Variants in IARS1 observed in about 807,000 individuals in gnomAD.
IARS1 encodes the protein isoleucine--tRNA ligase, cytoplasmic.
IARS1 carries 124 observed loss-of-function variants against 168.2 expected under a neutral mutation model. That is an observed-to-expected ratio of 0.74 (90% CI 0.64 to 0.86). The LOEUF (loss-of-function observed/expected upper bound fraction) is 0.86, where lower values mean the gene tolerates loss of function less well. Ranked by LOEUF, IARS1 falls within the 40% of genes least tolerant of loss-of-function variation. The pLI, the probability that IARS1 is intolerant of heterozygous loss-of-function variation, is 0.00. For synonymous variants in IARS1, 532 were observed against 529.4 expected (o/e 1.00, Z -0.07); for missense variants, 1,452 against 1,515.8 (o/e 0.96, Z 0.70).
At chr9:92,246,289 A>C (rs1289490402) in intron 26 of IARS1, among the ~76,000 whole-genome samples, 1 of 152,100 alleles carries the variant, frequency 6.6e-6, no homozygotes, top group Non-Finnish European at 1.5e-5. Flanking sequence ...GAATCCTCAA[A>C]TCTCTCTTCT....
intron 31 of IARS1, among the ~76,000 whole-genome samples, chr9:92,224,452 A>G (rs2133420458): frequency 6.6e-6 from 1 of 152,342 alleles, no homozygotes; most frequent in South Asian, 2.1e-4. Flanking sequence ...CAGGGACTCA[A>G]AGAACAGAAT....
At chr9:92,255,910 A>C (rs1830650164) in intron 20 of IARS1, among the ~76,000 whole-genome samples, 1 of 152,204 alleles carries the variant, frequency 6.6e-6, no homozygotes, top group Non-Finnish European at 1.5e-5. Context: ...AGATATGATA[A>C]ATGCTTGAGG....
intron 25 of IARS1, 104 bp downstream of exon 25, chr9:92,249,754 C>A (rs1283278996): frequency 5.1e-6 from 3 of 591,332 alleles, no homozygotes; most frequent in African/African-American, 3.8e-5. Flanking sequence ...TATGACTATA[C>A]TAATAAAAAT....
chr9:92,257,649 T>C (rs1377488771), intron 19 of IARS1, among the ~76,000 whole-genome samples: 6 of 152,188 alleles, frequency 3.9e-5, no homozygotes, highest in African/African-American at 1.4e-4. Context: ...GAACATGATG[T>C]GTCCTCATTA....
At position 92,219,065 on chromosome 9, in the gene IARS1, A is replaced by C. The variant is rs983931800; in HGVS notation, c.3706+3455T>G. On this transcript the variant is annotated intron_variant, in intron 33 of 33. Transcript: ENST00000443024. ...ACCAAAACAGCATGGTACTGGTACC[A>C]AAATAGAGATATAGATCAATGGAAC... 1.8e-4 allele frequency among the ~76,000 whole-genome samples: 28 copies of C among 152,222 alleles called. 1 individual carries two copies. The highest frequency in any genetic ancestry group is 5.9e-5 in the Non-Finnish European group (4 of 68,044).
intron 10 of IARS1, among the ~76,000 whole-genome samples, chr9:92,272,539 C>T (rs146182338): frequency 2.0e-5 from 3 of 152,296 alleles, no homozygotes; most frequent in East Asian, 1.9e-4. Context: ...ACAAGTGCAA[C>T]GGAAGGCCTC....
chr9:92,210,947 A>C lies in IARS1; in HGVS notation c.3707-58T>G, dbSNP rs141398935. ...AGTATTTTACCTATTGGGGGTGAAT[A>C]TTTAAAAAAATGTTAACTGCTTGTG... is the stretch of plus-strand genomic sequence containing the variant. On this transcript the variant is annotated intron_variant, in intron 33 of 33. Transcript: ENST00000443024. 347 of 1,109,496 alleles carry C rather than the reference A, an allele frequency of 3.1e-4. No homozygotes were observed. In the African/African-American group the frequency reaches 4.5e-3, roughly 14 times the overall value. 68.7% of individuals were successfully genotyped at this position (1,109,496 alleles called of 1,614,324 possible).
At chr9:92,223,897 A>G (rs1254877918) in intron 31 of IARS1, among the ~76,000 whole-genome samples, 1 of 152,266 alleles carries the variant, frequency 6.6e-6, no homozygotes, top group Non-Finnish European at 1.5e-5. Flanking sequence ...CATGATACAC[A>G]GAACATATGC....
intron 10 of IARS1, among the ~76,000 whole-genome samples, chr9:92,274,196 C>T (rs942303359): frequency 1.3e-5 from 2 of 152,036 alleles, no homozygotes; most frequent in African/African-American, 4.8e-5. Flanking sequence ...CCTGTCAAAA[C>T]TCACGGAACT....
intron 17 of IARS1, among the ~76,000 whole-genome samples, chr9:92,261,042 C>T (rs1286823266): frequency 6.6e-6 from 1 of 152,120 alleles, no homozygotes; most frequent in Non-Finnish European, 1.5e-5. Context: ...GGTGCGGTGG[C>T]TCATGCCTGT....
At chr9:92,270,486 T>C (rs1832862762) in intron 12 of IARS1, among the ~76,000 whole-genome samples, 1 of 152,194 alleles carries the variant, frequency 6.6e-6, no homozygotes, top group South Asian at 2.1e-4. Flanking sequence ...GAAAGCAACA[T>C]TTTTAGCCAT....
Position 92,260,244 on chromosome 9 carries a change from C to T in IARS1, c.1788-10G>A, listed in dbSNP as rs1487737522. 2 of 1,572,562 alleles carry T rather than the reference C, an allele frequency of 1.3e-6. No homozygotes were observed. The highest frequency in any genetic ancestry group is 1.4e-5 in the African/African-American group (1 of 74,046). Reference sequence around the variant, plus strand: ...CATTTTTTGGCCATCACTTGTAAAACAAAAGGGAGATGCCAATTAAGTAAG... The same window carrying T: ...CATTTTTTGGCCATCACTTGTAAAATAAAAGGGAGATGCCAATTAAGTAAG... On this transcript the variant is annotated splice_polypyrimidine_tract_variant and intron_variant, in intron 17 of 33. Transcript: ENST00000443024.
chr9:92,220,620 A>AAAACAAACAAAC lies in IARS1; in HGVS notation c.3706+1888_3706+1899dup, dbSNP rs111465873. On this transcript the variant is annotated intron_variant, in intron 33 of 33. Transcript: ENST00000443024. Reference sequence around the variant, plus strand: ...GGCAACAAGAGTGAAACTCTGTCTCAAAACAAACAAACAAACAAACAAACA... The same window carrying AAAACAAACAAAC: ...GGCAACAAGAGTGAAACTCTGTCTCAAAACAAACAAACAAACAAACAAACAAACAAACAAACA... Among the ~76,000 whole-genome samples, 7 of 150,970 alleles carry AAAACAAACAAAC rather than the reference A, an allele frequency of 4.6e-5. No homozygotes were observed. In the South Asian group the frequency reaches 1.3e-3, roughly 27 times the overall value.
intron 30 of IARS1, among the ~76,000 whole-genome samples, chr9:92,238,859 T>C (rs1050561116): frequency 4.6e-5 from 7 of 152,230 alleles, no homozygotes; most frequent in Admixed American, 2.0e-4. Flanking sequence ...CTATTATTTC[T>C]TGTTCAGTAA....
Position 92,271,522 on chromosome 9 carries a change from G to A in IARS1, c.1113+11C>T. ...TAACAGTCACCCTTCTATGCTATAT[G>A]GATTACAGACCTTCACATACTGTCC... On this transcript the variant is annotated intron_variant, in intron 11 of 33. Transcript: ENST00000443024. 6.2e-7 allele frequency: 1 copy of A among 1,613,918 alleles called. No homozygotes were observed. The highest frequency in any genetic ancestry group is 1.3e-5 in the African/African-American group (1 of 75,018).
chr9:92,286,353 C>T lies in IARS1; in HGVS notation c.479+183G>A, dbSNP rs566130774. On this transcript the variant is annotated intron_variant, in intron 5 of 33. Transcript: ENST00000443024. ...CTGCCCTCCAGCCTGGGCAACTGAG[C>T]GAGACTCAGTCTCAAAAAAATAAAA... 4.6e-4 allele frequency among the ~76,000 whole-genome samples: 70 copies of T among 152,160 alleles called. 1 individual carries two copies. Among genetic ancestry groups the T allele is most frequent in the African/African-American group, 1.6e-3 (66 of 41,498 alleles).
At chr9:92,287,702 TAAAAA>T (rs780741019) in intron 4 of IARS1, 84 bp downstream of exon 4, 12 of 1,378,388 alleles carry the variant, frequency 8.7e-6, no homozygotes, top group Non-Finnish European at 1.2e-5. Flanking sequence ...AATAAATTAA[TAAAAA>T]AAGCACAAGG....
intron 33 of IARS1, among the ~76,000 whole-genome samples, chr9:92,212,968 TTAGA>T (rs1419616186): frequency 3.3e-5 from 5 of 151,978 alleles, no homozygotes; most frequent in Non-Finnish European, 5.9e-5. Flanking sequence ...GACTGGTGAC[TTAGA>T]TGGATGATGA....
intron 3 of IARS1, 47 bp downstream of exon 3, chr9:92,288,079 C>T (rs746771960): frequency 5.4e-5 from 86 of 1,579,286 alleles, no homozygotes; most frequent in Middle Eastern, 3.3e-4. Flanking sequence ...AAATCTAATG[C>T]TTATAAAAAA....
Sources: allele counts gnomAD v4.1 joint callset (sites outside exome capture counted in the v4.1 genomes callset), GRCh38; gene constraint gnomAD v4.1.1; transcripts MANE v1.5; gene names NCBI Gene and HGNC (gene_info 2026-07-23, HGNC 2026-07-21).